The following ERBB4 variants were observed in gnomAD, a reference collection of about 807,000 sequenced individuals.
ERBB4 encodes receptor tyrosine-protein kinase erbB-4.
In ERBB4, 42 loss-of-function variants were observed where a neutral mutation model predicts 158.0. The observed-to-expected ratio is 0.27, with a 90% CI of 0.21 to 0.34. The LOEUF (loss-of-function observed/expected upper bound fraction) is 0.34. ERBB4 is among the 10% of genes least tolerant of loss of function. The pLI, the probability that ERBB4 is intolerant of heterozygous loss-of-function variation, is 1.00. For synonymous variants in ERBB4, 583 were observed against 558.7 expected, an observed-to-expected ratio of 1.04 and a Z score of -0.61; for missense variants, 1,333 against 1,624.1, an observed-to-expected ratio of 0.82 and a Z score of 3.08.
chr2:212,155,195 A>T (rs2080995928), intron 1 of ERBB4, among the ~76,000 whole-genome samples: 2 of 152,150 alleles, frequency 1.3e-5, no homozygotes, highest in South Asian at 4.1e-4. Context: ...TTTCAGAGAA[A>T]AATGTTGATG....
intron 2 of ERBB4, among the ~76,000 whole-genome samples, chr2:212,039,412 G>A (rs1459888626): frequency 6.6e-6 from 1 of 152,150 alleles, no homozygotes; most frequent in Non-Finnish European, 1.5e-5. Context: ...ATCTTGAAGA[G>A]AGGATACTTT....
intron 1 of ERBB4, among the ~76,000 whole-genome samples, chr2:212,291,767 G>T (rs372208308): frequency 1.3e-5 from 2 of 152,144 alleles, no homozygotes; most frequent in South Asian, 4.1e-4. Context: ...CTTAGCCAGA[G>T]AAATCAAATT....
At chr2:212,018,872 T>C (rs2076583922) in intron 2 of ERBB4, among the ~76,000 whole-genome samples, 1 of 152,126 alleles carries the variant, frequency 6.6e-6, no homozygotes, top group East Asian at 1.9e-4. Flanking sequence ...AAATAAAAGA[T>C]TTATTTACAA....
At chr2:211,656,306 A>G (rs559614799) in intron 16 of ERBB4, among the ~76,000 whole-genome samples, 3 of 148,226 alleles carry the variant, frequency 2.0e-5, no homozygotes, top group African/African-American at 5.0e-5. Flanking sequence ...ATACGCTTCA[A>G]TACAAGAGTT....
chr2:211,673,925 C>T (rs191921512), intron 13 of ERBB4, among the ~76,000 whole-genome samples: 1 of 152,212 alleles, frequency 6.6e-6, no homozygotes, highest in East Asian at 1.9e-4. Flanking sequence ...ATAAAAGACA[C>T]AGTTTAATGG....
At chr2:211,431,831 T>C (rs1450091337) in intron 20 of ERBB4, among the ~76,000 whole-genome samples, 1 of 152,160 alleles carries the variant, frequency 6.6e-6, no homozygotes, top group Non-Finnish European at 1.5e-5. Flanking sequence ...TGTTGGTGTT[T>C]AGCAGCAAGA....
chr2:211,898,241 C>T (rs1420554300), intron 3 of ERBB4, among the ~76,000 whole-genome samples: 2 of 152,074 alleles, frequency 1.3e-5, no homozygotes, highest in Non-Finnish European at 2.9e-5. Context: ...CTCTCTTACA[C>T]CAAATCTTCT....
chr2:211,727,270 G>A (rs1386827579), intron 5 of ERBB4, among the ~76,000 whole-genome samples: 1 of 152,036 alleles, frequency 6.6e-6, no homozygotes, highest in Non-Finnish European at 1.5e-5. Flanking sequence ...GGTATAAAGT[G>A]CTTTACATGG....
intron 1 of ERBB4, among the ~76,000 whole-genome samples, chr2:212,125,697 G>C (rs1200397087): frequency 1.3e-5 from 2 of 152,262 alleles, no homozygotes; most frequent in South Asian, 2.1e-4. Flanking sequence ...GCTTTAGTTT[G>C]CTAAGGATAA....
Position 211,383,161 on chromosome 2 carries a change from T to C in ERBB4, c.*454A>G. 3 of 237,168 alleles carry C rather than the reference T, an allele frequency of 1.3e-5. No homozygotes were observed. Among genetic ancestry groups the C allele is most frequent in the Non-Finnish European group, 2.5e-5 (3 of 121,390 alleles). The allele number at this position is 237,168 out of a possible 1,614,324, so 14.7% of individuals were successfully genotyped here. On this transcript the variant is annotated 3_prime_UTR_variant, in exon 28 of 28. Transcript: ENST00000342788. Reference sequence around the variant, plus strand: ...TTTTGTTCTAATGGAAACTTTATTATGATTTCCAGGGATGCTAAATATGCA... The same window carrying C: ...TTTTGTTCTAATGGAAACTTTATTACGATTTCCAGGGATGCTAAATATGCA...
At position 211,388,698 on chromosome 2, in the gene ERBB4, A is replaced by G. The variant is rs559513739; in HGVS notation, c.3136-706T>C. 9.2e-5 allele frequency among the ~76,000 whole-genome samples: 14 copies of G among 152,252 alleles called. No individual in the cohort carries two copies. The South Asian group carries it at 2.9e-3, about 32-fold the overall frequency. On this transcript the variant is annotated intron_variant, in intron 25 of 27. Coordinates refer to ENST00000342788, the MANE Select transcript of ERBB4 (RefSeq NM_005235.3). The stretch of plus-strand genomic sequence containing the variant: ...AAATCAGATTTCAGTTAAAGAAACA[A>G]CAACAAAAATACATCTGTATTTTTA...
intron 1 of ERBB4, among the ~76,000 whole-genome samples, chr2:212,370,448 A>C (rs1181067733): frequency 6.6e-6 from 1 of 152,190 alleles, no homozygotes; most frequent in East Asian, 1.9e-4. Context: ...ATCTAATTAC[A>C]ATAACTGCCT....
intron 3 of ERBB4, among the ~76,000 whole-genome samples, chr2:211,908,182 C>T (rs953307691): frequency 1.3e-5 from 2 of 151,786 alleles, no homozygotes; most frequent in African/African-American, 2.4e-5. Context: ...GGGCCCTGAG[C>T]GGTTAAGGAG....
At chr2:211,616,549 A>C (rs2069399122) in intron 19 of ERBB4, among the ~76,000 whole-genome samples, 1 of 143,640 alleles carries the variant, frequency 7.0e-6, no homozygotes, top group South Asian at 2.3e-4. Flanking sequence ...TTTGTTATTC[A>C]AATACTTTTA....
At chr2:211,871,694 G>C (rs1166691724) in intron 3 of ERBB4, among the ~76,000 whole-genome samples, 2 of 152,066 alleles carry the variant, frequency 1.3e-5, no homozygotes, top group African/African-American at 4.8e-5. Context: ...TGAAGCAAAA[G>C]CTCTTTCTCT....
At chr2:212,077,648 G>A (rs1429256901) in intron 2 of ERBB4, among the ~76,000 whole-genome samples, 4 of 151,956 alleles carry the variant, frequency 2.6e-5, no homozygotes, top group Admixed American at 6.6e-5. Flanking sequence ...AAGGAGGACA[G>A]GGATGGGCAA....
At chr2:211,710,222 G>A (rs572173345) in intron 9 of ERBB4, among the ~76,000 whole-genome samples, 1 of 152,276 alleles carries the variant, frequency 6.6e-6, no homozygotes, top group Admixed American at 6.5e-5. Context: ...ATGTGAATAT[G>A]ATTTCAAATC....
rs61631854 is a variant in ERBB4 at position 211,512,947 on chromosome 2, C to A, written c.2487+48956G>T. Among the ~76,000 whole-genome samples, 8 of 151,892 alleles carry A rather than the reference C, an allele frequency of 5.3e-5. No individual in the cohort carries two copies. In the South Asian group the frequency reaches 1.0e-3, roughly 20 times the overall value. On this transcript the variant is annotated intron_variant, in intron 20 of 27. Coordinates refer to ENST00000342788, the MANE Select transcript of ERBB4 (RefSeq NM_005235.3). ...TAGAAATTAATCATTGACTGGAAAA[C>A]AAGTTTTCATGATGAGGTCAGGCTT...
chr2:211,568,529 A>G (rs1446507192), intron 19 of ERBB4, among the ~76,000 whole-genome samples: 1 of 152,202 alleles, frequency 6.6e-6, no homozygotes, highest in Non-Finnish European at 1.5e-5. Context: ...AGAAACAACC[A>G]TATTGCCAGT....
Sources: gnomAD v4.1 joint callset for allele counts (sites outside exome capture counted in the v4.1 genomes callset) on GRCh38, gnomAD v4.1.1 for gene constraint, MANE v1.5 for transcripts, NCBI Gene and HGNC (gene_info 2026-07-23, HGNC 2026-07-21) for gene names.